SPOCK1: variants seen among roughly 807,000 people sequenced by gnomAD.
The protein encoded by SPOCK1 is SPARC (osteonectin), cwcv and kazal like domains proteoglycan 1, also known as testican-1.
In SPOCK1, 23 loss-of-function variants were observed where a neutral mutation model predicts 55.3. The ratio of observed to expected loss-of-function variants is 0.42; its 90% CI spans 0.30 to 0.59. The LOEUF (loss-of-function observed/expected upper bound fraction) is 0.59, where lower values mean the gene tolerates loss of function less well. Ranked by LOEUF, SPOCK1 falls within the 20% of genes least tolerant of loss-of-function variation. The pLI, the probability that SPOCK1 is intolerant of heterozygous loss-of-function variation, is 0.22. For missense variants in SPOCK1, 499 were observed against 552.5 expected, an observed-to-expected ratio of 0.90 and a Z score of 0.97; for synonymous variants, 226 against 221.0, an observed-to-expected ratio of 1.02 and a Z score of -0.20.
chr5:137,137,464 T>A (rs1754006232), intron 4 of SPOCK1, among the ~76,000 whole-genome samples: 1 of 152,174 alleles, frequency 6.6e-6, no homozygotes, highest in African/African-American at 2.4e-5. Context: ...ACTGAGTAAT[T>A]CAGCCTCTAA....
At chr5:137,011,293 C>T (rs1212334256) in intron 6 of SPOCK1, among the ~76,000 whole-genome samples, 1 of 152,124 alleles carries the variant, frequency 6.6e-6, no homozygotes, top group Non-Finnish European at 1.5e-5. Context: ...TAGTTGAGCT[C>T]AGATATGAAT....
chr5:137,471,976 G>C (rs972937417), intron 2 of SPOCK1, among the ~76,000 whole-genome samples: 6 of 152,190 alleles, frequency 3.9e-5, no homozygotes, highest in African/African-American at 1.4e-4. Flanking sequence ...GAGGAGAACA[G>C]AGCAACTGAC....
At chr5:136,983,696 T>C (rs773968513) in intron 9 of SPOCK1, among the ~76,000 whole-genome samples, 10 of 152,114 alleles carry the variant, frequency 6.6e-5, no homozygotes, top group African/African-American at 2.4e-4. Flanking sequence ...ATGCAATAAT[T>C]ATAGCTGATA....
chr5:137,378,696 ATGC>A (rs1317346657), intron 2 of SPOCK1, among the ~76,000 whole-genome samples: 2 of 152,318 alleles, frequency 1.3e-5, no homozygotes, highest in East Asian at 3.9e-4. Flanking sequence ...CCAGGCAAAC[ATGC>A]CTGGCCTAAA....
intron 6 of SPOCK1, among the ~76,000 whole-genome samples, chr5:137,044,730 T>C (rs1304221789): frequency 2.0e-5 from 3 of 151,280 alleles, no homozygotes; most frequent in Non-Finnish European, 2.9e-5. Context: ...GCCATGCTGG[T>C]GCGCTGCGCC....
chr5:137,112,504 C>A lies in SPOCK1; in HGVS notation c.405G>T (p.Lys135Asn). 6.2e-7 allele frequency: 1 copy of A among 1,613,902 alleles called. No homozygotes were observed. The highest frequency in any genetic ancestry group is 1.3e-5 in the African/African-American group (1 of 75,046). ...KHWVGPSNLV[K>N]CKPCPVAQSA... ...ACTGTGCCACGGGACAGGGCTTGCA[C>A]TTGACCAAATTCGAAGGTCCAACCC... The change falls in exon 5 of 11, where the codon AAG becomes AAT. Residue 135 changes from lysine to asparagine, a missense_variant. Physicochemically the swap from Lys to Asn is moderately conservative, Grantham distance 94 (BLOSUM62 0). Coordinates refer to ENST00000394945, the MANE Select transcript of SPOCK1 (RefSeq NM_004598.4).
At chr5:136,990,967 A>G (rs955803530) in intron 7 of SPOCK1, among the ~76,000 whole-genome samples, 3 of 152,142 alleles carry the variant, frequency 2.0e-5, no homozygotes, top group African/African-American at 7.2e-5. Context: ...GCAGGGTTCC[A>G]GGGCTTCCCC....
intron 3 of SPOCK1, among the ~76,000 whole-genome samples, chr5:137,192,361 C>G (rs886647849): frequency 2.0e-5 from 3 of 152,126 alleles, no homozygotes; most frequent in Non-Finnish European, 4.4e-5. Flanking sequence ...ACATGAAAGC[C>G]TGGCAAATAC....
intron 6 of SPOCK1, among the ~76,000 whole-genome samples, chr5:137,038,720 T>C (rs562016866): frequency 1.3e-5 from 2 of 152,326 alleles, no homozygotes; most frequent in East Asian, 3.9e-4. Context: ...GTCAGGGCTG[T>C]TTGAAATCAG....
At chr5:137,078,115 A>T (rs1355079254) in intron 5 of SPOCK1, among the ~76,000 whole-genome samples, 1 of 152,170 alleles carries the variant, frequency 6.6e-6, no homozygotes, top group Non-Finnish European at 1.5e-5. Flanking sequence ...AAGTATAGAA[A>T]AAAGCACAAA....
chr5:137,198,974 A>G (rs1755357141), intron 3 of SPOCK1, among the ~76,000 whole-genome samples: 1 of 152,248 alleles, frequency 6.6e-6, no homozygotes, highest in Admixed American at 6.5e-5. Context: ...CAGCACCATC[A>G]AGAGAACAAT....
intron 6 of SPOCK1, among the ~76,000 whole-genome samples, chr5:137,053,973 T>C (rs1752255897): frequency 6.6e-6 from 1 of 152,136 alleles, no homozygotes. Context: ...CTGCTACATG[T>C]CTACAAGACT....
chr5:137,251,436 G>C (rs1756526816), intron 3 of SPOCK1, among the ~76,000 whole-genome samples: 1 of 152,226 alleles, frequency 6.6e-6, no homozygotes, highest in African/African-American at 2.4e-5. Context: ...CCAGTAACTA[G>C]CTGGGGGGTT....
intron 2 of SPOCK1, among the ~76,000 whole-genome samples, chr5:137,303,788 C>G (rs1306709380): frequency 6.6e-6 from 1 of 152,156 alleles, no homozygotes; most frequent in Non-Finnish European, 1.5e-5. Flanking sequence ...GCTGGGGCAG[C>G]CAGGAGGGGC....
chr5:137,482,930 C>G (rs1036275936), intron 2 of SPOCK1, among the ~76,000 whole-genome samples: 2 of 152,184 alleles, frequency 1.3e-5, no homozygotes, highest in African/African-American at 4.8e-5. Flanking sequence ...GGTAAATAAA[C>G]AACATCTCCC....
At chr5:137,144,487 T>C (rs1274882478) in intron 3 of SPOCK1, among the ~76,000 whole-genome samples, 1 of 152,206 alleles carries the variant, frequency 6.6e-6, no homozygotes, top group African/African-American at 2.4e-5. Context: ...TTAGAGTAAA[T>C]GAACTTCACA....
intron 2 of SPOCK1, among the ~76,000 whole-genome samples, chr5:137,487,509 C>A (rs1446350986): frequency 6.6e-6 from 1 of 152,150 alleles, no homozygotes; most frequent in Non-Finnish European, 1.5e-5. Flanking sequence ...TTACATCCAC[C>A]ATTCCTTGTT....
chr5:137,149,642 G>A (rs980048538), intron 3 of SPOCK1, among the ~76,000 whole-genome samples: 16 of 152,128 alleles, frequency 1.1e-4, no homozygotes, highest in Non-Finnish European at 4.4e-5. Context: ...TAAAAACATG[G>A]AGCTTTTCCC....
intron 3 of SPOCK1, among the ~76,000 whole-genome samples, chr5:137,210,667 C>T (rs1755593551): frequency 6.6e-6 from 1 of 152,092 alleles, no homozygotes; most frequent in Non-Finnish European, 1.5e-5. Flanking sequence ...ATTGTGAGTC[C>T]CAGAGCTGTC....
Sources: gnomAD v4.1 joint callset for allele counts (sites outside exome capture counted in the v4.1 genomes callset) on GRCh38, gnomAD v4.1.1 for gene constraint, MANE v1.5 for transcripts, NCBI Gene and HGNC (gene_info 2026-07-23, HGNC 2026-07-21) for gene names.